Variants in ADAMTS2 observed in about 807,000 individuals in gnomAD.
ADAMTS2 encodes ADAM metallopeptidase with thrombospondin type 1 motif 2, also known as A disintegrin and metalloproteinase with thrombospondin motifs 2.
In ADAMTS2, 50 loss-of-function variants were observed where a neutral mutation model predicts 123.0. The observed-to-expected ratio is 0.41, with a 90% CI of 0.32 to 0.51. The LOEUF is 0.51. Ranked by LOEUF, ADAMTS2 falls within the 20% of genes least tolerant of loss-of-function variation. The probability of loss-of-function intolerance (pLI) is 0.35; values close to 1 mark genes in which losing one functional copy is unlikely to be tolerated. For missense variants in ADAMTS2, 1,494 were observed against 1,705.2 expected (o/e 0.88, Z 2.18); for synonymous variants, 678 against 695.4 (o/e 0.98, Z 0.39).
chr5:179,209,079 G>A (rs1007478433), intron 3 of ADAMTS2, among the ~76,000 whole-genome samples: 2 of 152,220 alleles, frequency 1.3e-5, no homozygotes, highest in African/African-American at 2.4e-5. Context: ...GACAGGCCCT[G>A]GAGGCAGAAC....
intron 2 of ADAMTS2, among the ~76,000 whole-genome samples, chr5:179,280,934 T>C (rs1393791252): frequency 6.6e-6 from 1 of 152,202 alleles, no homozygotes; most frequent in African/African-American, 2.4e-5. Context: ...CTCAGCTCAC[T>C]GCAAACTCTG....
At chr5:179,297,504 G>A (rs985400053) in intron 2 of ADAMTS2, among the ~76,000 whole-genome samples, 1 of 151,950 alleles carries the variant, frequency 6.6e-6, no homozygotes, top group African/African-American at 2.4e-5. Flanking sequence ...CAGCCAGAAG[G>A]CCCTCCCCAC....
chr5:179,158,946 A>G lies in ADAMTS2; in HGVS notation c.976-67T>C. 6.3e-7 allele frequency: 1 copy of G among 1,576,690 alleles called. No homozygotes were observed. The highest frequency in any genetic ancestry group is 1.1e-5 in the South Asian group (1 of 87,674). ...CTGGTGGCCCAGTGGGGGGCCGAGC[A>G]GGCTGTAGTGTTGACAGACCCCATC... On this transcript the variant is annotated intron_variant, in intron 5 of 21. Coordinates refer to ENST00000251582, the MANE Select transcript of ADAMTS2 (RefSeq NM_014244.5). This position sits in a 1 kb window ranked among gnomAD's most constrained non-coding sequence, Gnocchi z 5.0.
rs1581172340 is a variant in ADAMTS2, at chr5:179,181,849, G to A, written c.892-694C>T. 2.0e-5 allele frequency among the ~76,000 whole-genome samples: 3 copies of A among 152,174 alleles called. No homozygotes were observed. The highest frequency in any genetic ancestry group is 1.9e-4 in the East Asian group (1 of 5,178). On this transcript the variant is annotated intron_variant, in intron 4 of 21. Coordinates refer to ENST00000251582, the MANE Select transcript of ADAMTS2 (RefSeq NM_014244.5). This position sits in a 1 kb window ranked among gnomAD's most constrained non-coding sequence, Gnocchi z 4.1. The stretch of plus-strand genomic sequence containing the variant: ...GCTTCAGCAGATATCAAAGGGACCC[G>A]TGGCACAAAAACAGGGGGGTGAACT...
chr5:179,136,093 T>A, intron 12 of ADAMTS2, 51 bp from the exon 13 acceptor site: 1 of 1,612,654 alleles, frequency 6.2e-7, no homozygotes, highest in Non-Finnish European at 8.5e-7. Flanking sequence ...GGCTTCCCCA[T>A]GTGTGTGCAA....
intron 3 of ADAMTS2, among the ~76,000 whole-genome samples, chr5:179,221,806 T>G (rs889075248): frequency 2.0e-5 from 3 of 152,084 alleles, no homozygotes; most frequent in African/African-American, 7.2e-5. Flanking sequence ...TCTCTCCCAG[T>G]GAGTGTCAGG....
intron 4 of ADAMTS2, among the ~76,000 whole-genome samples, chr5:179,203,943 C>T (rs1309211720): frequency 3.3e-5 from 5 of 152,202 alleles, no homozygotes; most frequent in African/African-American, 9.7e-5. Context: ...AGGGGGCCAC[C>T]GGAGTGCCCA....
intron 19 of ADAMTS2, among the ~76,000 whole-genome samples, chr5:179,124,061 C>G (rs1306277303): frequency 1.3e-5 from 2 of 152,202 alleles, no homozygotes. Context: ...ACACCGGGAG[C>G]CTGCGCCTGG....
chr5:179,229,950 C>A (rs962211709), intron 3 of ADAMTS2, among the ~76,000 whole-genome samples: 1 of 152,202 alleles, frequency 6.6e-6, no homozygotes, highest in Non-Finnish European at 1.5e-5. Context: ...AATTTTGTGA[C>A]CTTTTCTCTC....
At chr5:179,210,861 A>G (rs1764834289) in intron 3 of ADAMTS2, among the ~76,000 whole-genome samples, 1 of 152,192 alleles carries the variant, frequency 6.6e-6, no homozygotes, top group Non-Finnish European at 1.5e-5. Context: ...AATAAGATTG[A>G]CCCTGACCCT....
At chr5:179,201,775 C>T (rs1329882558) in intron 4 of ADAMTS2, among the ~76,000 whole-genome samples, 3 of 152,046 alleles carry the variant, frequency 2.0e-5, no homozygotes, top group Non-Finnish European at 4.4e-5. Flanking sequence ...GTACTCCAGC[C>T]TGGGCGACAG....
intron 5 of ADAMTS2, among the ~76,000 whole-genome samples, chr5:179,176,997 T>C (rs569489372): frequency 6.6e-6 from 1 of 152,224 alleles, no homozygotes; most frequent in South Asian, 2.1e-4. Flanking sequence ...TTCCTGACCT[T>C]GTAAGGAAAG....
chr5:179,221,224 C>G (rs1265577323), intron 3 of ADAMTS2, among the ~76,000 whole-genome samples: 1 of 152,142 alleles, frequency 6.6e-6, no homozygotes, highest in South Asian at 2.1e-4. Flanking sequence ...GGAGTGGGCA[C>G]GGGACCTCTC....
intron 2 of ADAMTS2, among the ~76,000 whole-genome samples, chr5:179,293,482 G>A (rs1263418445): frequency 2.0e-5 from 3 of 152,258 alleles, no homozygotes; most frequent in African/African-American, 7.2e-5. Flanking sequence ...ACTGGAGTGT[G>A]CCAACGCCTC....
intron 2 of ADAMTS2, among the ~76,000 whole-genome samples, chr5:179,326,724 A>G (rs1350801978): frequency 6.6e-6 from 1 of 151,876 alleles, no homozygotes; most frequent in African/African-American, 2.4e-5. Context: ...TTTACCTTTC[A>G]CAGATGAGAA....
chr5:179,126,145 C>T lies in ADAMTS2; in HGVS notation c.2618-15G>A, dbSNP rs781719832. ...GAACTGGGACCCTGAAGGCAGAGAG[C>T]TCGACGGGGGTCGGTGGGGCAGCAT... On this transcript the variant is annotated splice_polypyrimidine_tract_variant and intron_variant, in intron 17 of 21. Coordinates refer to ENST00000251582, the MANE Select transcript of ADAMTS2 (RefSeq NM_014244.5). The T allele has an allele frequency of 1.2e-6, 2 of 1,613,060 alleles. No individual in the cohort carries two copies. The highest frequency in any genetic ancestry group is 1.7e-6 in the Non-Finnish European group (2 of 1,180,008).
At chr5:179,333,109 C>A (rs1050226922) in intron 2 of ADAMTS2, among the ~76,000 whole-genome samples, 14 of 152,186 alleles carry the variant, frequency 9.2e-5, no homozygotes, top group African/African-American at 3.4e-4. Flanking sequence ...AGCAGAGGGC[C>A]AGGAGCCGAC....
chr5:179,118,009 C>T lies in ADAMTS2; in HGVS notation c.3178+3652G>A, dbSNP rs116507120. On this transcript the variant is annotated intron_variant, in intron 21 of 21. Transcript: ENST00000251582. This position sits in a 1 kb window ranked among gnomAD's most constrained non-coding sequence, Gnocchi z 4.5. ...GGTCAGAGCCATGCACGAGAAAGTG[C>T]TCCATAAATGCCCATTGAGTGAGGG... 8.3e-3 allele frequency among the ~76,000 whole-genome samples: 1,263 copies of T among 152,284 alleles called. 14 individuals carry two copies. Among genetic ancestry groups the T allele is most frequent in the African/African-American group, 0.029 (1,204 of 41,552 alleles).
chr5:179,296,630 G>T (rs139507044), intron 2 of ADAMTS2, among the ~76,000 whole-genome samples: 38 of 152,276 alleles, frequency 2.5e-4, no homozygotes, highest in Non-Finnish European at 5.4e-4. Context: ...GTGGAGATGG[G>T]CTCAGTGGGT....
Sources: gnomAD v4.1 joint callset for allele counts (sites outside exome capture counted in the v4.1 genomes callset) on GRCh38, gnomAD v4.1.1 for gene constraint, Gnocchi (gnomAD v3.1) non-coding constraint, MANE v1.5 for transcripts, NCBI Gene and HGNC (gene_info 2026-07-23, HGNC 2026-07-21) for gene names.